Variants in KDM6A observed in about 807,000 individuals in gnomAD.
KDM6A encodes the protein lysine-specific demethylase 6A.
In KDM6A, 11 loss-of-function variants were observed where a neutral mutation model predicts 117.6. The ratio of observed to expected loss-of-function variants is 0.09; its 90% CI spans 0.06 to 0.15. The LOEUF (loss-of-function observed/expected upper bound fraction) is 0.15. Among genes scored for constraint, KDM6A ranks in the 10% least tolerant of loss-of-function variants. KDM6A has a pLI of 1.00. For missense variants in KDM6A, 799 were observed against 1,077.3 expected, an observed-to-expected ratio of 0.74 and a Z score of 3.62; for synonymous variants, 384 against 396.1, an observed-to-expected ratio of 0.97 and a Z score of 0.36.
chrX:45,023,449 T>C (rs1336476712), intron 6 of KDM6A, among the ~76,000 whole-genome samples: 1 of 111,709 alleles, frequency 9.0e-6, no homozygotes. Context: ...TCTGAAATTC[T>C]GTGTTGGTGC....
intron 5 of KDM6A, among the ~76,000 whole-genome samples, chrX:45,014,584 G>A (rs182732923): frequency 3.6e-5 from 4 of 112,180 alleles, no homozygotes; most frequent in African/African-American, 9.7e-5. Context: ...GCATTCACTT[G>A]TTCTTATTCA....
intron 14 of KDM6A, 128 bp downstream of exon 14, chrX:45,060,892 G>C (rs1391763363): frequency 5.4e-6 from 2 of 372,230 alleles, no homozygotes; most frequent in African/African-American, 5.3e-5. Context: ...AAAGGTTTGA[G>C]TTTTTCCATC....
chrX:44,987,848 C>G (rs2040325118), intron 4 of KDM6A, among the ~76,000 whole-genome samples: 1 of 110,976 alleles, frequency 9.0e-6, no homozygotes, highest in Non-Finnish European at 1.9e-5. Flanking sequence ...ACATTTTTTC[C>G]TTCATTTCAA....
chrX:45,010,040 C>T (rs1602561549), intron 4 of KDM6A, among the ~76,000 whole-genome samples: 1 of 112,031 alleles, frequency 8.9e-6, no homozygotes, highest in South Asian at 3.7e-4. Flanking sequence ...CTTATAATTT[C>T]GAAGAAGAAA....
chrX:44,961,862 A>G (rs964706955), intron 3 of KDM6A, among the ~76,000 whole-genome samples: 3 of 112,121 alleles, frequency 2.7e-5, no homozygotes, highest in Admixed American at 1.9e-4. Flanking sequence ...ACCAGTTTTT[A>G]AAATTTACTT....
chrX:44,968,568 A>G (rs1429161774), intron 3 of KDM6A, among the ~76,000 whole-genome samples: 3 of 113,073 alleles, frequency 2.7e-5, no homozygotes, highest in Non-Finnish European at 5.6e-5. Flanking sequence ...TTAGATGAAT[A>G]TATGTGATGG....
intron 2 of KDM6A, among the ~76,000 whole-genome samples, chrX:44,877,097 A>G (rs1342736306): frequency 8.9e-6 from 1 of 112,014 alleles, no homozygotes; most frequent in Admixed American, 9.5e-5. Flanking sequence ...GCGTATGTAT[A>G]CGTATGTACA....
chrX:44,921,187 T>A (rs376950135), intron 2 of KDM6A, among the ~76,000 whole-genome samples: 3 of 111,942 alleles, frequency 2.7e-5, no homozygotes, highest in African/African-American at 9.7e-5. Context: ...GCTTTTTAAT[T>A]TTTTCAAAAA....
At position 45,107,402 on chromosome X, in the gene KDM6A, C is replaced by T. The variant is rs752619445; in HGVS notation, c.4035-8C>T. 4 of 1,205,631 alleles carry T rather than the reference C, an allele frequency of 3.3e-6. No homozygotes were observed. The highest frequency in any genetic ancestry group is 4.4e-5 in the Admixed American group (2 of 45,973). The stretch of plus-strand genomic sequence containing the variant: ...TGCTGGTCACAAATAATTTCTCCCC[C>T]ACAATAGGTATTGTCTTCTAAGAAC... On this transcript the variant is annotated splice_polypyrimidine_tract_variant and splice_region_variant and intron_variant, in intron 27 of 29. Coordinates refer to ENST00000611820, the MANE Select transcript of KDM6A (RefSeq NM_001291415.2).
intron 10 of KDM6A, 109 bp from the exon 11 acceptor site, chrX:45,058,897 G>T (rs760158516): frequency 4.1e-5 from 25 of 611,215 alleles, no homozygotes; most frequent in Non-Finnish European, 6.2e-5. Flanking sequence ...ACTTATTAGG[G>T]TTTTAAAAAA....
At chrX:44,923,432 T>C (rs1230645125) in intron 2 of KDM6A, among the ~76,000 whole-genome samples, 1 of 110,042 alleles carries the variant, frequency 9.1e-6, no homozygotes, top group East Asian at 2.8e-4. Flanking sequence ...CTGTTCATTT[T>C]TTTTTCAGTC....
chrX:44,992,206 C>CTTTTTTTTTTTT (rs779979560), intron 4 of KDM6A, among the ~76,000 whole-genome samples: 6 of 32,060 alleles, frequency 1.9e-4, no homozygotes, highest in Non-Finnish European at 3.5e-4. Context: ...CTGTCTTCTT[C>CTTTTTTTTTTTT]TTTTTTTTTT....
chrX:44,901,226 C>T (rs1467242919), intron 2 of KDM6A, among the ~76,000 whole-genome samples: 1 of 110,924 alleles, frequency 9.0e-6, no homozygotes, highest in Non-Finnish European at 1.9e-5. Context: ...TACTAAAATA[C>T]AAAAATTAGC....
chrX:44,907,487 T>C (rs2034781752), intron 2 of KDM6A, among the ~76,000 whole-genome samples: 1 of 105,478 alleles, frequency 9.5e-6, no homozygotes, highest in Admixed American at 1.0e-4. Flanking sequence ...TTTTCTTTTT[T>C]TTTTTTTTTC....
chrX:44,873,729 C>T lies in KDM6A; in HGVS notation c.161+17C>T, dbSNP rs1315368720. ...ACTGGACAGGTACGGGCCGCCGTCA[C>T]TCGCCCGGTCGGCTCCGGACGGGCA... On this transcript the variant is annotated intron_variant, in intron 1 of 29. Transcript: ENST00000611820. 5 of 1,162,674 alleles carry T rather than the reference C, an allele frequency of 4.3e-6. No individual in the cohort carries two copies. Among genetic ancestry groups the T allele is most frequent in the Non-Finnish European group, 5.7e-6 (5 of 870,889 alleles).
intron 18 of KDM6A, among the ~76,000 whole-genome samples, chrX:45,073,648 G>A (rs1254500298): frequency 6.2e-5 from 7 of 112,137 alleles, no homozygotes; most frequent in Non-Finnish European, 9.4e-5. Context: ...TTTTTCATGC[G>A]TCTTTTGGCT....
intron 4 of KDM6A, among the ~76,000 whole-genome samples, chrX:45,006,694 G>T (rs1266469650): frequency 9.2e-6 from 1 of 108,813 alleles, no homozygotes; most frequent in Non-Finnish European, 1.9e-5. Flanking sequence ...AATCGAAAAA[G>T]GTTGCTTTGT....
intron 23 of KDM6A, among the ~76,000 whole-genome samples, 193 bp downstream of exon 23, chrX:45,082,982 G>T (rs1429529823): frequency 9.2e-6 from 1 of 109,032 alleles, no homozygotes; most frequent in African/African-American, 3.3e-5. Flanking sequence ...ATAGAGATGG[G>T]GTCTCACTGT....
chrX:44,942,900 G>A (rs910182681), intron 2 of KDM6A, among the ~76,000 whole-genome samples: 1 of 110,093 alleles, frequency 9.1e-6, no homozygotes. Context: ...TACACTTATC[G>A]GTTCTAGTAT....
Sources: allele counts gnomAD v4.1 joint callset (sites outside exome capture counted in the v4.1 genomes callset), GRCh38; gene constraint gnomAD v4.1.1; transcripts MANE v1.5; gene names NCBI Gene and HGNC (gene_info 2026-07-23, HGNC 2026-07-21).